RELN: variants seen among roughly 807,000 people sequenced by gnomAD.
RELN encodes the protein reelin.
A neutral mutation model predicts 427.6 loss-of-function variants in RELN; 108 were observed. That is an observed-to-expected ratio of 0.25 (90% CI 0.22 to 0.30). The LOEUF is 0.30. Among genes scored for constraint, RELN ranks in the 10% least tolerant of loss-of-function variants. RELN has a pLI of 1.00. For missense variants in RELN, 3,715 were observed against 4,302.8 expected, an observed-to-expected ratio of 0.86 and a Z score of 3.82; for synonymous variants, 1,524 against 1,513.4, an observed-to-expected ratio of 1.01 and a Z score of -0.16.
At chr7:103,893,248 C>T (rs1348690055) in intron 2 of RELN, among the ~76,000 whole-genome samples, 2 of 152,098 alleles carry the variant, frequency 1.3e-5, no homozygotes, top group African/African-American at 4.8e-5. Flanking sequence ...TCAGGTGGGA[C>T]TCATGAAGTT....
chr7:103,933,490 A>AAAGG (rs1169823527), intron 1 of RELN, among the ~76,000 whole-genome samples: 1 of 134,618 alleles, frequency 7.4e-6, no homozygotes, highest in African/African-American at 2.7e-5. Context: ...AGCCCAGGAG[A>AAAGG]AAGGAAGGGA....
intron 1 of RELN, among the ~76,000 whole-genome samples, chr7:103,940,429 A>T (rs1182634317): frequency 6.6e-6 from 1 of 152,208 alleles, no homozygotes; most frequent in Non-Finnish European, 1.5e-5. Flanking sequence ...CCTTAAAACT[A>T]CCATACAATG....
chr7:103,920,984 T>C (rs16872993), intron 1 of RELN, among the ~76,000 whole-genome samples: 18,797 of 152,146 alleles, frequency 0.12, 2,396 homozygotes, highest in African/African-American at 0.32. Flanking sequence ...CTAAGCCAAA[T>C]AGTAAAATGT....
intron 28 of RELN, among the ~76,000 whole-genome samples, chr7:103,579,204 A>T (rs1831070787): frequency 6.6e-6 from 1 of 152,236 alleles, no homozygotes; most frequent in Non-Finnish European, 1.5e-5. Flanking sequence ...GACATAGAGA[A>T]GAGCATCTGA....
chr7:103,856,597 GAA>G lies in RELN; in HGVS notation c.338-22927_338-22926del, dbSNP rs1157072048. Reference sequence around the variant, plus strand: ...AAAAAAAAAAAAAAAAAGAAAGAAAGAAAGAAAAAAGCAAATATGTTGACAAA... The same window carrying G: ...AAAAAAAAAAAAAAAAAGAAAGAAAGAGAAAAAAGCAAATATGTTGACAAA... On this transcript the variant is annotated intron_variant, in intron 2 of 64. Transcript: ENST00000428762. Among the ~76,000 whole-genome samples the G allele has an allele frequency of 3.5e-5, 5 of 141,658 alleles. No homozygotes were observed. The South Asian group carries it at 9.2e-4, about 26-fold the overall frequency. The allele number at this position is 141,658 out of a possible 152,430, so 92.9% of individuals were successfully genotyped here. A position where few individuals can be genotyped will look rare whatever the true frequency, so the allele number is the denominator to read the frequency against.
intron 49 of RELN, among the ~76,000 whole-genome samples, chr7:103,516,754 T>C (rs930721887): frequency 6.6e-6 from 1 of 152,224 alleles, no homozygotes; most frequent in Non-Finnish European, 1.5e-5. Flanking sequence ...AGTTCTTGTC[T>C]TTCACATTAA....
intron 16 of RELN, among the ~76,000 whole-genome samples, chr7:103,647,104 A>G (rs1489192529): frequency 2.0e-5 from 3 of 152,042 alleles, no homozygotes; most frequent in East Asian, 3.9e-4. Context: ...CCAACATAAT[A>G]TGGAATGGGG....
chr7:103,473,768 T>C (rs549658403), intron 64 of RELN, among the ~76,000 whole-genome samples: 23 of 152,310 alleles, frequency 1.5e-4, no homozygotes, highest in African/African-American at 5.5e-4. Flanking sequence ...TTGTGAGCTA[T>C]AACATCACTG....
chr7:103,849,019 G>A (rs1163755127), intron 2 of RELN, among the ~76,000 whole-genome samples: 2 of 152,162 alleles, frequency 1.3e-5, no homozygotes, highest in Non-Finnish European at 1.5e-5. Context: ...ACTTCCCACA[G>A]CCTACCAGGT....
intron 31 of RELN, among the ~76,000 whole-genome samples, chr7:103,570,088 T>A (rs1396442735): frequency 6.6e-6 from 1 of 152,192 alleles, no homozygotes; most frequent in East Asian, 1.9e-4. Context: ...GAAATGCCTG[T>A]GGGATGTGAA....
chr7:103,712,911 C>T (rs1009712547), intron 8 of RELN, among the ~76,000 whole-genome samples: 2 of 152,032 alleles, frequency 1.3e-5, no homozygotes, highest in African/African-American at 4.8e-5. Flanking sequence ...TATCATTCCC[C>T]ATCAATCCCA....
intron 8 of RELN, among the ~76,000 whole-genome samples, chr7:103,715,482 A>T (rs111492209): frequency 0.01 from 1,570 of 152,276 alleles, 38 homozygotes; most frequent in African/African-American, 0.036. Flanking sequence ...GCTAAATGTG[A>T]CAGTGCGTGA....
At chr7:103,774,487 GTTTAA>G (rs1791687641) in intron 4 of RELN, among the ~76,000 whole-genome samples, 1 of 152,046 alleles carries the variant, frequency 6.6e-6, no homozygotes, top group Non-Finnish European at 1.5e-5. Flanking sequence ...TGCTTGAATT[GTTTAA>G]TTTAATTAAA....
At chr7:103,742,641 C>A (rs556551919) in intron 6 of RELN, among the ~76,000 whole-genome samples, 19 of 152,060 alleles carry the variant, frequency 1.2e-4, no homozygotes, top group Non-Finnish European at 4.4e-5. Context: ...GTAGCCAATG[C>A]GATCAACTGG....
intron 11 of RELN, among the ~76,000 whole-genome samples, chr7:103,671,372 T>C (rs966997308): frequency 3.3e-5 from 5 of 152,106 alleles, no homozygotes; most frequent in African/African-American, 1.2e-4. Flanking sequence ...TGCATGTTTA[T>C]TTACACTCTC....
At chr7:103,552,810 C>A (rs1241391118) in intron 40 of RELN, among the ~76,000 whole-genome samples, 1 of 151,914 alleles carries the variant, frequency 6.6e-6, no homozygotes, top group Non-Finnish European at 1.5e-5. Flanking sequence ...GATAATAGAA[C>A]TCTTAAAGGT....
intron 3 of RELN, among the ~76,000 whole-genome samples, chr7:103,798,876 C>A (rs1246501911): frequency 6.6e-6 from 1 of 152,168 alleles, no homozygotes; most frequent in Non-Finnish European, 1.5e-5. Context: ...ACCAGCCTTC[C>A]TCCCGCTTCT....
At position 103,989,444 on chromosome 7, in the gene RELN, A is replaced by C. The variant is rs1797179917; in HGVS notation, c.-88T>G. 1 of 1,155,476 alleles carries C rather than the reference A, an allele frequency of 8.7e-7. No homozygotes were observed. The highest frequency in any genetic ancestry group is 1.7e-5 in the African/African-American group (1 of 59,542). The allele number at this position is 1,155,476 out of a possible 1,614,324, so 71.6% of individuals were successfully genotyped here. On this transcript the variant is annotated 5_prime_UTR_variant, in exon 1 of 65. Coordinates refer to ENST00000428762, the MANE Select transcript of RELN (RefSeq NM_005045.4). The surrounding 1 kb of genome is among the most constrained non-coding windows in gnomAD (Gnocchi z 4.9). The stretch of plus-strand genomic sequence containing the variant: ...ACGCCGGGACGGAGGAGCCACGCGG[A>C]GAGAAGGCGAGAAGAAGGCGGACGG...
At chr7:103,849,859 T>A (rs1175729847) in intron 2 of RELN, among the ~76,000 whole-genome samples, 1 of 152,140 alleles carries the variant, frequency 6.6e-6, no homozygotes, top group African/African-American at 2.4e-5. Flanking sequence ...ACGGAAAAAG[T>A]TTTTCAACTC....
Sources: allele counts gnomAD v4.1 joint callset (sites outside exome capture counted in the v4.1 genomes callset), GRCh38; gene constraint gnomAD v4.1.1; non-coding constraint Gnocchi (gnomAD v3.1); transcripts MANE v1.5; gene names NCBI Gene and HGNC (gene_info 2026-07-23, HGNC 2026-07-21).